MFNG: variants seen among roughly 807,000 people sequenced by gnomAD.
MFNG encodes the protein beta-1,3-N-acetylglucosaminyltransferase manic fringe.
Under a neutral mutation model 34.2 loss-of-function variants are expected in MFNG, and 24 were observed. The ratio of observed to expected loss-of-function variants is 0.70; its 90% confidence interval spans 0.51 to 0.99. The LOEUF (loss-of-function observed/expected upper bound fraction) is 0.99. Ranked by LOEUF, MFNG falls within the 50% of genes least tolerant of loss-of-function variation. The pLI, the probability that MFNG is intolerant of heterozygous loss-of-function variation, is 0.00. For synonymous variants in MFNG, 158 were observed against 179.2 expected (o/e 0.88, Z 0.94); for missense variants, 383 against 424.0 (o/e 0.90, Z 0.85).
rs769747403 is a variant in MFNG, at chr22:37,474,494, C to A, written c.813+18G>T. 7 of 1,612,656 alleles carry A rather than the reference C, an allele frequency of 4.3e-6. No homozygotes were observed. Among genetic ancestry groups the A allele is most frequent in the Non-Finnish European group, 5.9e-6 (7 of 1,179,378 alleles). ...GGTTCCCCTTCCCATTTGCCACCTG[C>A]CCCCAAGGCCAGCTCACCTGTTCTG... On this transcript the variant is annotated intron_variant, in intron 6 of 7. Coordinates refer to ENST00000356998, the MANE Select transcript of MFNG (RefSeq NM_002405.4).
chr22:37,475,999 C>T (rs2145730111), intron 5 of MFNG, among the ~76,000 whole-genome samples: 1 of 152,312 alleles, frequency 6.6e-6, no homozygotes, highest in Middle Eastern at 3.4e-3. Flanking sequence ...GAGCCAAACC[C>T]AGCAGCTGAG....
intron 5 of MFNG, among the ~76,000 whole-genome samples, chr22:37,475,488 T>C (rs1921996660): frequency 6.6e-6 from 1 of 152,154 alleles, no homozygotes; most frequent in Non-Finnish European, 1.5e-5. Context: ...CCTCCCAAAG[T>C]GCTGGGATTA....
chr22:37,474,166 A>G (rs1921934717), intron 6 of MFNG, among the ~76,000 whole-genome samples: 1 of 152,170 alleles, frequency 6.6e-6, no homozygotes, highest in South Asian at 2.1e-4. Context: ...TGTGGGGAGG[A>G]TGGAAGACTG....
At chr22:37,477,327 C>T (rs913789747) in intron 4 of MFNG, among the ~76,000 whole-genome samples, 1 of 152,164 alleles carries the variant, frequency 6.6e-6, no homozygotes, top group African/African-American at 2.4e-5. Context: ...GAGGGGCTGC[C>T]GAACATGGCA....
intron 6 of MFNG, 127 bp from the exon 7 acceptor site, chr22:37,472,655 C>T (rs1484007265): frequency 2.3e-5 from 21 of 893,998 alleles, no homozygotes; most frequent in Non-Finnish European, 3.5e-5. Context: ...CTGAAATTCC[C>T]CGCTGGTGGT....
In MFNG at chr22:37,485,796, C is replaced by T. The variant is rs1021289368; in HGVS notation, c.255+127G>A. On this transcript the variant is annotated intron_variant, in intron 1 of 7. Transcript: ENST00000356998. The surrounding 1 kb of genome is among the most constrained non-coding windows in gnomAD (Gnocchi z 5.3). ...GGAAGAAGGAGAGAGGAAGAGGATC[C>T]CTGATTAGGCAGGTATTGAGCAGCT... The T allele has an allele frequency of 2.6e-6, 3 of 1,164,786 alleles. No homozygotes were observed. The highest frequency in any genetic ancestry group is 3.6e-6 in the Non-Finnish European group (3 of 840,174). The allele number at this position is 1,164,786 out of a possible 1,614,324, so 72.2% of individuals were successfully genotyped here.
At chr22:37,476,754 A>G (rs538030776) in intron 5 of MFNG, 142 bp downstream of exon 5, 9 of 716,984 alleles carry the variant, frequency 1.3e-5, no homozygotes, top group Non-Finnish European at 1.9e-5. Flanking sequence ...TTCACCACCA[A>G]CTGCCGCTCT....
intron 2 of MFNG, among the ~76,000 whole-genome samples, chr22:37,480,520 T>A (rs1428184910): frequency 6.6e-6 from 1 of 152,138 alleles, no homozygotes; most frequent in African/African-American, 2.4e-5. Flanking sequence ...CAGGGCCTTG[T>A]CCAGCACCGC....
In MFNG at chr22:37,483,467, G is replaced by A. The variant is rs1922391515; in HGVS notation, c.255+2456C>T. On this transcript the variant is annotated intron_variant, in intron 1 of 7. Coordinates refer to ENST00000356998, the MANE Select transcript of MFNG (RefSeq NM_002405.4). The surrounding 1 kb of genome is among the most constrained non-coding windows in gnomAD (Gnocchi z 4.5). ...AAACACTCTCAAGCTTGGAGCATGGGCCAAATGGGCTGAGGACTGTTTCCC... is the reference window on the plus strand; with the variant it reads ...AAACACTCTCAAGCTTGGAGCATGGACCAAATGGGCTGAGGACTGTTTCCC... 6.6e-6 allele frequency among the ~76,000 whole-genome samples: 1 copy of A among 151,202 alleles called. No individual in the cohort carries two copies.
intron 7 of MFNG, among the ~76,000 whole-genome samples, chr22:37,470,844 T>G (rs1308605749): frequency 6.6e-6 from 1 of 152,088 alleles, no homozygotes; most frequent in African/African-American, 2.4e-5. Flanking sequence ...TTCTCCACAT[T>G]CCAGTCACAC....
Position 37,480,220 on chromosome 22 carries a change from G to A in MFNG, c.384C>T (p.Asp128=). The A allele has an allele frequency of 6.2e-7, 1 of 1,611,616 alleles. No homozygotes were observed. The highest frequency in any genetic ancestry group is 8.5e-7 in the Non-Finnish European group (1 of 1,177,950). The change falls in exon 3 of 8, where the codon GAC becomes GAT. Residue 128 remains aspartate, a synonymous_variant. Transcript: ENST00000356998. ...GCCTAAGCCCACTGGCCAAGAAGGT[G>A]TCGAACTCAGCAGCCATCTTGCAGG... is the stretch of plus-strand genomic sequence containing the variant. ...ALSCKMAAEF[D]TFLASGLRWF... is the part of the protein sequence containing the mutation.
chr22:37,474,375 C>T, intron 6 of MFNG, 137 bp downstream of exon 6: 1 of 1,033,744 alleles, frequency 9.7e-7, no homozygotes, highest in Non-Finnish European at 1.4e-6. Context: ...CCTCAGTTTC[C>T]CCATCAATAG....
intron 5 of MFNG, among the ~76,000 whole-genome samples, chr22:37,475,136 G>A (rs1037405230): frequency 1.3e-5 from 2 of 152,184 alleles, no homozygotes; most frequent in Non-Finnish European, 2.9e-5. Context: ...CTAAGTCAGA[G>A]GGAAGCATGC....
At position 37,484,834 on chromosome 22, in the gene MFNG, C is replaced by G. The variant is rs148742875; in HGVS notation, c.255+1089G>C. On this transcript the variant is annotated intron_variant, in intron 1 of 7. Coordinates refer to ENST00000356998, the MANE Select transcript of MFNG (RefSeq NM_002405.4). ...CCAAGTACGAGGGCAGAAATCAGGG[C>G]AGGGTGCCCCTCCCCAGGAGGGCCT... is the stretch of plus-strand genomic sequence containing the variant. 9.7e-4 allele frequency among the ~76,000 whole-genome samples: 148 copies of G among 152,346 alleles called. No homozygotes were observed. In the East Asian group the frequency reaches 0.026, roughly 27 times the overall value.
At chr22:37,480,343 C>G (rs777850174) in intron 2 of MFNG, 44 bp from the exon 3 acceptor site, 3 of 1,434,562 alleles carry the variant, frequency 2.1e-6, no homozygotes, top group African/African-American at 1.4e-5. Context: ...CCAGGTCCCC[C>G]CTTCAGAGCC....
chr22:37,474,205 G>C (rs538026575), intron 6 of MFNG, among the ~76,000 whole-genome samples: 29 of 152,214 alleles, frequency 1.9e-4, no homozygotes, highest in African/African-American at 7.0e-4. Context: ...GAGCAGGGTG[G>C]TGGGAACCTG....
chr22:37,476,827 A>C, intron 5 of MFNG, 69 bp downstream of exon 5: 2 of 1,280,492 alleles, frequency 1.6e-6, no homozygotes, highest in Non-Finnish European at 2.2e-6. Context: ...TCCTGCTGCA[A>C]AGGCCCCTCC....
chr22:37,479,251 C>T, intron 4 of MFNG, 94 bp downstream of exon 4: 2 of 1,369,322 alleles, frequency 1.5e-6, no homozygotes, highest in Non-Finnish European at 1.9e-6. Flanking sequence ...AACCCAGAAC[C>T]CCTCTCACCT....
chr22:37,477,075 G>A, intron 4 of MFNG, 94 bp from the exon 5 acceptor site: 4 of 1,009,652 alleles, frequency 4.0e-6, no homozygotes, highest in Non-Finnish European at 6.2e-6. Flanking sequence ...AACCAGCATG[G>A]CTCAAAAGCC....
Sources: allele counts gnomAD v4.1 joint callset (sites outside exome capture counted in the v4.1 genomes callset), GRCh38; gene constraint gnomAD v4.1.1; non-coding constraint Gnocchi (gnomAD v3.1); transcripts MANE v1.5; gene names NCBI Gene and HGNC (gene_info 2026-07-23, HGNC 2026-07-21).